Variants in ZBTB7C observed in about 807,000 individuals in gnomAD.
ZBTB7C encodes the protein zinc finger and BTB domain containing 7C.
Under a neutral mutation model 25.7 loss-of-function variants are expected in ZBTB7C, and 8 were observed. The ratio of observed to expected loss-of-function variants is 0.31; its 90% CI spans 0.18 to 0.56. The LOEUF (loss-of-function observed/expected upper bound fraction) is 0.56, where lower values mean the gene tolerates loss of function less well. Among genes scored for constraint, ZBTB7C ranks in the 20% least tolerant of loss-of-function variants. The probability of loss-of-function intolerance (pLI) is 0.91; values close to 1 mark genes in which losing one functional copy is unlikely to be tolerated. For missense variants in ZBTB7C, 824 were observed against 855.2 expected, an observed-to-expected ratio of 0.96 and a Z score of 0.46; for synonymous variants, 394 against 369.0, an observed-to-expected ratio of 1.07 and a Z score of -0.78.
At chr18:48,076,930 ACTAAC>A (rs2037787114) in intron 3 of ZBTB7C, 1 of 985,144 alleles carries the variant, frequency 1.0e-6, no homozygotes, top group African/African-American at 1.7e-5. Flanking sequence ...TCAAATAAGT[ACTAAC>A]CTGGCTTTAA....
intron 3 of ZBTB7C, among the ~76,000 whole-genome samples, chr18:48,085,493 G>A (rs1212690723): frequency 6.6e-6 from 1 of 152,180 alleles, no homozygotes; most frequent in East Asian, 1.9e-4. Flanking sequence ...TTGGATCCCT[G>A]CTCTGCTATT....
chr18:48,389,526 C>T (rs2047849653), intron 1 of ZBTB7C, among the ~76,000 whole-genome samples: 1 of 136,586 alleles, frequency 7.3e-6, no homozygotes, highest in Admixed American at 7.9e-5. Flanking sequence ...TGTATAAGCA[C>T]TTGGCCCAGT....
At position 48,322,445 on chromosome 18, in the gene ZBTB7C, G is replaced by A. The variant is rs946080540; in HGVS notation, c.-79+15729C>T. On this transcript the variant is annotated intron_variant, in intron 2 of 4. Transcript: ENST00000590800. The stretch of plus-strand genomic sequence containing the variant: ...AGGAAACACTGTGCTATAGCAATGT[G>A]ACGGGAGGCCTCAGGAAGGCAAGAA... 2.6e-5 allele frequency among the ~76,000 whole-genome samples: 4 copies of A among 152,340 alleles called. No individual in the cohort carries two copies. The South Asian group carries it at 6.2e-4, about 24-fold the overall frequency.
At chr18:48,224,606 C>T (rs926377467) in intron 2 of ZBTB7C, among the ~76,000 whole-genome samples, 2 of 152,136 alleles carry the variant, frequency 1.3e-5, no homozygotes, top group African/African-American at 4.8e-5. Context: ...GAACTCTGTT[C>T]CAGTACTGGG....
intron 2 of ZBTB7C, among the ~76,000 whole-genome samples, chr18:48,207,614 T>TATCC (rs760191919): frequency 4.1e-5 from 6 of 146,994 alleles, no homozygotes; most frequent in East Asian, 2.0e-4. Flanking sequence ...TCTATCTATC[T>TATCC]ATCCATCTAA....
intron 2 of ZBTB7C, among the ~76,000 whole-genome samples, chr18:48,251,807 C>T (rs1165465766): frequency 6.6e-6 from 1 of 152,224 alleles, no homozygotes; most frequent in Non-Finnish European, 1.5e-5. Context: ...TCCTCAAGCT[C>T]ACCTATAAAA....
chr18:48,039,306 A>G (rs1237892076), intron 4 of ZBTB7C, among the ~76,000 whole-genome samples: 1 of 152,234 alleles, frequency 6.6e-6, no homozygotes, highest in African/African-American at 2.4e-5. Flanking sequence ...GCTATTACAC[A>G]GAGGCTGAGA....
intron 1 of ZBTB7C, among the ~76,000 whole-genome samples, chr18:48,360,215 T>C (rs1409844685): frequency 1.3e-5 from 2 of 152,212 alleles, no homozygotes; most frequent in African/African-American, 4.8e-5. Context: ...TTCAATTCTA[T>C]AAACATTTGC....
At chr18:48,120,363 C>T (rs1005884409) in intron 3 of ZBTB7C, among the ~76,000 whole-genome samples, 23 of 152,106 alleles carry the variant, frequency 1.5e-4, no homozygotes, top group Admixed American at 1.2e-3. Flanking sequence ...CGGTGGCTCA[C>T]GCCTGTAATC....
At chr18:48,131,858 C>T (rs2039995073) in intron 3 of ZBTB7C, among the ~76,000 whole-genome samples, 1 of 152,078 alleles carries the variant, frequency 6.6e-6, no homozygotes, top group African/African-American at 2.4e-5. Flanking sequence ...AAAGATAGGA[C>T]GGCTACAATA....
chr18:48,110,751 C>T lies in ZBTB7C; in HGVS notation c.-16-69628G>A, dbSNP rs566227812. On this transcript the variant is annotated intron_variant, in intron 3 of 4. Coordinates refer to ENST00000590800, the MANE Select transcript of ZBTB7C (RefSeq NM_001318841.2). ...AGCAGCCACTGCCTGGTGTGGAGAC[C>T]GGGTCCACCTGCACCAGCTGGCCCT... 5.3e-5 allele frequency among the ~76,000 whole-genome samples: 8 copies of T among 152,196 alleles called. No individual in the cohort carries two copies. In the East Asian group the frequency reaches 1.5e-3, roughly 29 times the overall value.
At chr18:48,152,774 A>G (rs1031575662) in intron 3 of ZBTB7C, among the ~76,000 whole-genome samples, 10 of 152,258 alleles carry the variant, frequency 6.6e-5, no homozygotes, top group African/African-American at 1.2e-4. Context: ...GATGGGACAC[A>G]CACTTGAAAA....
intron 1 of ZBTB7C, among the ~76,000 whole-genome samples, chr18:48,375,920 G>A (rs2047509083): frequency 6.6e-6 from 1 of 152,214 alleles, no homozygotes; most frequent in Non-Finnish European, 1.5e-5. Flanking sequence ...GGAGACCTTA[G>A]GCAAGTCATT....
At chr18:48,298,684 G>T (rs908413778) in intron 2 of ZBTB7C, among the ~76,000 whole-genome samples, 1 of 152,160 alleles carries the variant, frequency 6.6e-6, no homozygotes, top group African/African-American at 2.4e-5. Context: ...GGCTCAGGGT[G>T]CCCAGCAGGC....
intron 2 of ZBTB7C, among the ~76,000 whole-genome samples, chr18:48,265,424 T>A (rs888225046): frequency 6.6e-6 from 1 of 152,246 alleles, no homozygotes; most frequent in African/African-American, 2.4e-5. Context: ...AGTTCAAGTC[T>A]TGGTTCATCT....
At chr18:48,091,684 G>A (rs75330368) in intron 3 of ZBTB7C, among the ~76,000 whole-genome samples, 3,969 of 152,196 alleles carry the variant, frequency 0.026, 64 homozygotes, top group Non-Finnish European at 0.039. Context: ...AGACAGCTTC[G>A]GACAGCGAGG....
intron 3 of ZBTB7C, among the ~76,000 whole-genome samples, chr18:48,046,058 C>G (rs1275438331): frequency 6.6e-6 from 1 of 152,222 alleles, no homozygotes; most frequent in Non-Finnish European, 1.5e-5. Flanking sequence ...TTGATTGCAA[C>G]CTCATGAAAG....
chr18:48,390,706 C>G (rs751935526), intron 1 of ZBTB7C, among the ~76,000 whole-genome samples: 1 of 152,206 alleles, frequency 6.6e-6, no homozygotes, highest in African/African-American at 2.4e-5. Flanking sequence ...GTCCCAGCAT[C>G]GCCAAGGTGT....
intron 3 of ZBTB7C, among the ~76,000 whole-genome samples, chr18:48,055,098 A>C (rs2036858471): frequency 6.6e-6 from 1 of 152,096 alleles, no homozygotes; most frequent in Non-Finnish European, 1.5e-5. Context: ...TCAAAGAAGT[A>C]GGAACCAATA....
Sources: allele counts gnomAD v4.1 joint callset (sites outside exome capture counted in the v4.1 genomes callset), GRCh38; gene constraint gnomAD v4.1.1; transcripts MANE v1.5; gene names NCBI Gene and HGNC (gene_info 2026-07-23, HGNC 2026-07-21).